Variants in FCHO2 observed in about 807,000 individuals in gnomAD.
FCHO2 encodes the protein F-BAR domain only protein 2.
A neutral mutation model predicts 114.1 loss-of-function variants in FCHO2; 43 were observed. The ratio of observed to expected loss-of-function variants is 0.38; its 90% CI spans 0.30 to 0.49. The LOEUF (loss-of-function observed/expected upper bound fraction) is 0.49. Among genes scored for constraint, FCHO2 ranks in the 20% least tolerant of loss-of-function variants. The pLI is 0.97. For synonymous variants in FCHO2, 293 were observed against 315.2 expected (o/e 0.93, Z 0.75); for missense variants, 807 against 950.4 (o/e 0.85, Z 1.98).
chr5:72,994,886 C>G (rs1455111145), intron 5 of FCHO2, among the ~76,000 whole-genome samples: 1 of 152,076 alleles, frequency 6.6e-6, no homozygotes, highest in African/African-American at 2.4e-5. Context: ...ATTGCATGTT[C>G]TCACTTATAA....
chr5:72,956,115 G>T lies in FCHO2; in HGVS notation c.19G>T (p.Val7Phe). Residue 7 changes from valine (V) to phenylalanine (F), a missense_variant, in exon 1 of 26, where the codon GTC becomes TTC. Transcript: ENST00000430046. ...CGGCACGATGGTCATGGCGTATTTC[G>T]TCGAGAATTTTTGGGTAAGCTTAGG... MVMAYF[V>F]ENFWGEKNSG... 6.5e-7 allele frequency: 1 copy of T among 1,541,834 alleles called. No individual in the cohort carries two copies. Among genetic ancestry groups the T allele is most frequent in the Non-Finnish European group, 8.7e-7 (1 of 1,143,092 alleles).
chr5:73,012,845 C>T (rs1184509218), intron 6 of FCHO2, among the ~76,000 whole-genome samples: 1 of 152,034 alleles, frequency 6.6e-6, no homozygotes, highest in Non-Finnish European at 1.5e-5. Flanking sequence ...CAAAACCCCA[C>T]AGTTTCAAAA....
chr5:72,968,503 A>G lies in FCHO2; in HGVS notation c.39A>G (p.Glu13=), dbSNP rs1161207178. ...MAYFVENFWG[E]KNSGFDVLYH... ...AAAATCTTTTTAAATTTTAGGGGGA[A>G]AAAAATAGTGGCTTTGATGTCCTCT... Residue 13 remains glutamate, a synonymous_variant, in exon 2 of 26, where the codon GAA becomes GAG. Coordinates refer to ENST00000430046, the MANE Select transcript of FCHO2 (RefSeq NM_138782.3). 6.6e-7 allele frequency: 1 copy of G among 1,504,218 alleles called. No individual in the cohort carries two copies. The highest frequency in any genetic ancestry group is 8.8e-7 in the Non-Finnish European group (1 of 1,135,064). The allele number at this position is 1,504,218 out of a possible 1,614,324, so 93.2% of individuals were successfully genotyped here.
intron 5 of FCHO2, among the ~76,000 whole-genome samples, chr5:73,002,091 G>T (rs1280966956): frequency 2.0e-5 from 3 of 152,134 alleles, no homozygotes. Flanking sequence ...TTGAGATAAA[G>T]ATAATAGTTT....
At chr5:72,992,947 A>C (rs1753882827) in intron 5 of FCHO2, among the ~76,000 whole-genome samples, 1 of 149,812 alleles carries the variant, frequency 6.7e-6, no homozygotes, top group African/African-American at 2.5e-5. Flanking sequence ...AGAGAGAAGA[A>C]GAGAAAAGAG....
intron 2 of FCHO2, among the ~76,000 whole-genome samples, chr5:72,973,571 C>T (rs1237083422): frequency 4.0e-5 from 6 of 151,272 alleles, no homozygotes; most frequent in East Asian, 1.9e-4. Flanking sequence ...TTTTTTATTG[C>T]GTCTATTTGA....
At chr5:73,061,376 A>G (rs1227914320) in intron 17 of FCHO2, among the ~76,000 whole-genome samples, 2 of 152,086 alleles carry the variant, frequency 1.3e-5, no homozygotes, top group Non-Finnish European at 2.9e-5. Flanking sequence ...TAAATTTTCT[A>G]GTTTCAAATA....
At chr5:73,024,713 A>C (rs2112768850) in intron 8 of FCHO2, among the ~76,000 whole-genome samples, 1 of 152,272 alleles carries the variant, frequency 6.6e-6, no homozygotes, top group East Asian at 1.9e-4. Context: ...CTGGGATTAC[A>C]GGTGTGAGCC....
chr5:72,989,023 A>T (rs1277162714), intron 2 of FCHO2, among the ~76,000 whole-genome samples: 2 of 152,194 alleles, frequency 1.3e-5, no homozygotes, highest in Admixed American at 6.5e-5. Flanking sequence ...AGCCTGGGCA[A>T]CATAGCAAGG....
intron 13 of FCHO2, among the ~76,000 whole-genome samples, chr5:73,053,876 CTTCTCTT>C (rs561946532): frequency 2.3e-4 from 34 of 145,758 alleles, no homozygotes; most frequent in African/African-American, 8.3e-4. Context: ...CTTTTGTACT[CTTCTCTT>C]TTCAGTTTGT....
intron 13 of FCHO2, 42 bp from the exon 14 acceptor site, chr5:73,054,118 A>G: frequency 7.1e-7 from 1 of 1,415,460 alleles, no homozygotes; most frequent in Non-Finnish European, 9.5e-7. Flanking sequence ...TACAGTATTC[A>G]GAATTCTAAC....
At chr5:72,995,407 C>T (rs758970563) in intron 5 of FCHO2, among the ~76,000 whole-genome samples, 36 of 152,088 alleles carry the variant, frequency 2.4e-4, no homozygotes, top group South Asian at 2.3e-3. Flanking sequence ...AGTCATGTGC[C>T]ACCTCGCCTG....
At chr5:73,034,439 G>A (rs976267952) in intron 8 of FCHO2, 1 of 437,630 alleles carries the variant, frequency 2.3e-6, no homozygotes, top group African/African-American at 2.1e-5. Context: ...ATCATAATGG[G>A]CTAGTCTTGT....
At chr5:73,065,442 C>A (rs1250643066) in intron 18 of FCHO2, among the ~76,000 whole-genome samples, 1 of 151,862 alleles carries the variant, frequency 6.6e-6, no homozygotes, top group Non-Finnish European at 1.5e-5. Context: ...AAGTGTTTAT[C>A]CAGAGGCAGT....
chr5:72,967,863 G>A (rs1322910260), intron 1 of FCHO2, among the ~76,000 whole-genome samples: 4 of 151,100 alleles, frequency 2.6e-5, no homozygotes, highest in Admixed American at 6.6e-5. Flanking sequence ...CAAGTGATCC[G>A]CCTGCCTCCG....
chr5:73,035,770 A>G (rs569013103), intron 9 of FCHO2, among the ~76,000 whole-genome samples: 2 of 151,442 alleles, frequency 1.3e-5, no homozygotes, highest in African/African-American at 4.8e-5. Context: ...CCAAAGTGCT[A>G]GGATTACAGG....
intron 9 of FCHO2, among the ~76,000 whole-genome samples, chr5:73,035,995 A>G (rs546636291): frequency 1.4e-4 from 21 of 151,778 alleles, no homozygotes; most frequent in African/African-American, 4.8e-4. Context: ...GGTGTGCGCC[A>G]CTACGCCCGG....
intron 1 of FCHO2, among the ~76,000 whole-genome samples, chr5:72,957,205 T>C (rs1018865051): frequency 6.6e-6 from 1 of 151,604 alleles, no homozygotes; most frequent in Admixed American, 6.6e-5. Flanking sequence ...AGGTGTTTTG[T>C]TTTTTAAACA....
chr5:73,046,532 C>A (rs2112822207), intron 11 of FCHO2, among the ~76,000 whole-genome samples: 1 of 152,042 alleles, frequency 6.6e-6, no homozygotes, highest in East Asian at 1.9e-4. Flanking sequence ...TAAAGTAGTC[C>A]ATTGTTAAAT....
Sources: gnomAD v4.1 joint callset for allele counts (sites outside exome capture counted in the v4.1 genomes callset) on GRCh38, gnomAD v4.1.1 for gene constraint, MANE v1.5 for transcripts, NCBI Gene and HGNC (gene_info 2026-07-23, HGNC 2026-07-21) for gene names.